PWWP2B: variants seen among roughly 807,000 people sequenced by gnomAD.
PWWP2B encodes PWWP domain containing 2B, also known as PWWP domain-containing protein 2B.
In PWWP2B, 9 loss-of-function variants were observed where a neutral mutation model predicts 15.5. The observed-to-expected ratio is 0.58, with a 90% CI of 0.35 to 1.02. The LOEUF (loss-of-function observed/expected upper bound fraction) is 1.02, where lower values mean the gene tolerates loss of function less well. PWWP2B is among the 50% of genes least tolerant of loss of function. The pLI, the probability that PWWP2B is intolerant of heterozygous loss-of-function variation, is 0.02. For synonymous variants in PWWP2B, 474 were observed against 403.6 expected (o/e 1.17, Z -2.09); for missense variants, 864 against 865.3 (o/e 1.00, Z 0.02).
chr10:132,404,955 G>A lies in PWWP2B; in HGVS notation c.455G>A (p.Arg152Gln), dbSNP rs777648338. Reference protein sequence around the residue: ...QPPPRTIKRTRRRLSRNRDPG... With the variant: ...QPPPRTIKRTQRRLSRNRDPG... The stretch of plus-strand genomic sequence containing the variant: ...CCGCCCAGGACCATCAAGCGCACGC[G>A]GCGGCGTCTGTCCCGCAACCGCGAC... The change falls in exon 2 of 3, where the codon CGG (arginine) becomes CAG (glutamine). Residue 152 changes from arginine (R) to glutamine (Q), a missense_variant. By Grantham distance (43) the Arg-to-Gln change is conservative. Transcript: ENST00000305233. 7 of 1,591,544 alleles carry A rather than the reference G, an allele frequency of 4.4e-6. No individual in the cohort carries two copies. In the South Asian group the frequency reaches 4.4e-5, roughly 10 times the overall value.
At chr10:132,415,644 C>A (rs1263591707) in intron 2 of PWWP2B, among the ~76,000 whole-genome samples, 1 of 125,528 alleles carries the variant, frequency 8.0e-6, no homozygotes, top group Admixed American at 9.5e-5. Flanking sequence ...CACACACCCA[C>A]TCACACACAC....
intron 2 of PWWP2B, among the ~76,000 whole-genome samples, chr10:132,409,319 G>A (rs978946676): frequency 6.6e-6 from 1 of 152,228 alleles, no homozygotes; most frequent in African/African-American, 2.4e-5. Flanking sequence ...GCTGAGGTCC[G>A]GGGCGGGGGC....
rs889431466 is a variant in PWWP2B, at chr10:132,404,705, G to A, written c.205G>A (p.Ala69Thr). Residue 69 changes from alanine (A) to threonine (T), a missense_variant, in exon 2 of 3, where the codon GCT becomes ACT. Transcript: ENST00000305233. ...ESPVNDSHGR[A>T]PEEGDAEVMQ... is the part of the protein sequence containing the mutation. ...CCCTGTCAACGACAGCCATGGCCGG[G>A]CTCCCGAGGAGGGGGATGCAGAGGT... The A allele has an allele frequency of 6.2e-7, 1 of 1,612,066 alleles. No individual in the cohort carries two copies. Among genetic ancestry groups the A allele is most frequent in the African/African-American group, 1.3e-5 (1 of 74,866 alleles).
At chr10:132,400,210 T>A (rs574007231) in intron 1 of PWWP2B, among the ~76,000 whole-genome samples, 11 of 151,578 alleles carry the variant, frequency 7.3e-5, no homozygotes, top group African/African-American at 2.7e-4. Context: ...CCTTGGGGAG[T>A]GAGAGGGACA....
At chr10:132,412,043 C>T (rs1419049941) in intron 2 of PWWP2B, among the ~76,000 whole-genome samples, 1 of 152,256 alleles carries the variant, frequency 6.6e-6, no homozygotes, top group Non-Finnish European at 1.5e-5. Context: ...CGCCCTACCT[C>T]CTGGCTCCCA....
chr10:132,403,205 A>C (rs1385774459), intron 1 of PWWP2B, among the ~76,000 whole-genome samples: 1 of 151,114 alleles, frequency 6.6e-6, no homozygotes, highest in Non-Finnish European at 1.5e-5. Context: ...CACTCTGACC[A>C]CCCCCACCCA....
intron 1 of PWWP2B, among the ~76,000 whole-genome samples, chr10:132,399,948 C>T (rs902747374): frequency 3.9e-5 from 6 of 152,304 alleles, no homozygotes; most frequent in Admixed American, 1.3e-4. Context: ...GCCTATGGTT[C>T]CAGACACAGA....
chr10:132,397,454 C>A, intron 1 of PWWP2B, 103 bp downstream of exon 1: 1 of 1,088,458 alleles, frequency 9.2e-7, no homozygotes. Flanking sequence ...GGTGGCGTGG[C>A]CCCGGCGCCC....
rs10747057 is a variant in PWWP2B, at chr10:132,404,792, C to A, written c.292C>A (p.Arg98Ser). The A allele has an allele frequency of 1.1e-5, 17 of 1,503,078 alleles. No individual in the cohort carries two copies. The highest frequency in any genetic ancestry group is 1.1e-4 in the Admixed American group (6 of 56,424). The allele number at this position is 1,503,078 out of a possible 1,614,324, so 93.1% of individuals were successfully genotyped here. A position where few individuals can be genotyped will look rare whatever the true frequency, so the allele number is the denominator to read the frequency against. Residue 98 changes from arginine to serine, a missense_variant, in exon 2 of 3, where the codon CGC (arginine) becomes AGC (serine). Arg to Ser is a moderately radical substitution (Grantham distance 110). Around this residue, in one of 2 missense-constraint regions of PWWP2B, gnomAD observed 736 missense variants for 687.7 expected, o/e 1.07. Transcript: ENST00000305233. The part of the protein sequence containing the change: ...ARGVQPPETT[R>S]PEPPPPLVPP... ...CGGGGTTCAGCCCCCCGAGACCACC[C>A]GCCCCGAGCCACCCCCGCCCCTCGT...
intron 2 of PWWP2B, among the ~76,000 whole-genome samples, chr10:132,412,080 T>A (rs2069788878): frequency 6.6e-6 from 1 of 152,200 alleles, no homozygotes; most frequent in Non-Finnish European, 1.5e-5. Context: ...TCCTTGCCGC[T>A]TCCTCCCAGC....
intron 1 of PWWP2B, among the ~76,000 whole-genome samples, chr10:132,398,151 G>T (rs1368478326): frequency 6.6e-6 from 1 of 152,258 alleles, no homozygotes; most frequent in Non-Finnish European, 1.5e-5. Flanking sequence ...TTGAAACTGG[G>T]AGCAGGGAAA....
Position 132,405,816 on chromosome 10 carries a change from C to T in PWWP2B, c.1316C>T (p.Thr439Met), listed in dbSNP as rs148236107. The T allele has an allele frequency of 1.4e-5, 23 of 1,608,374 alleles. No homozygotes were observed. Among genetic ancestry groups the T allele is most frequent in the South Asian group, 8.8e-5 (8 of 91,062 alleles). Reference protein sequence around the residue: ...DEARSSGSEGTPADTGDLSPG... With the variant: ...DEARSSGSEGMPADTGDLSPG... ...GCCAGATCGTCCGGCTCGGAAGGGA[C>T]GCCGGCAGACACGGGTGACCTCTCG... is the stretch of plus-strand genomic sequence containing the variant. Residue 439 changes from threonine to methionine, a missense_variant, in exon 2 of 3, where the codon ACG becomes ATG. Thr to Met is a moderately conservative substitution (Grantham distance 81). This residue lies in a region of PWWP2B where 736 missense variants were observed against 687.7 expected (regional missense o/e 1.07). Coordinates refer to ENST00000305233, the MANE Select transcript of PWWP2B (RefSeq NM_138499.4).
rs147422582 is a variant in PWWP2B at position 132,406,252 on chromosome 10, C to G, written c.1752C>G (p.Leu584=). The change falls in exon 2 of 3, where the codon CTC becomes CTG. Residue 584 remains leucine, a synonymous_variant. Transcript: ENST00000305233. Reference sequence around the variant, plus strand: ...ACGTGGCCCCGGAAATCAGGGAGCTCTTAACCCAGTTTGAAACGTAACTGG... The same window carrying G: ...ACGTGGCCCCGGAAATCAGGGAGCTGTTAACCCAGTTTGAAACGTAACTGG... ...ARHVAPEIRE[L]LTQFET The G allele has an allele frequency of 1.2e-4, 196 of 1,609,712 alleles. 1 individual carries two copies. In the African/African-American group the frequency reaches 1.7e-3, roughly 14 times the overall value.
intron 2 of PWWP2B, among the ~76,000 whole-genome samples, chr10:132,407,194 GC>G (rs1442134216): frequency 6.6e-6 from 1 of 152,152 alleles, no homozygotes; most frequent in East Asian, 1.9e-4. Flanking sequence ...AGCTCCAGAG[GC>G]CTTCTCAGCA....
rs1346832144 is a variant in PWWP2B, at chr10:132,406,121, A to G, written c.1621A>G (p.Ile541Val). ...FGSPTTSFLS[I>V]SKLSPFSEFF... ...TTCTCCGACTACGTCGTTCTTGTCT[A>G]TTTCAAAACTCTCCCCTTTCTCTGA... Residue 541 changes from isoleucine (I) to valine (V), a missense_variant, in exon 2 of 3, where the codon ATT becomes GTT. Physicochemically the swap from Ile to Val is conservative, Grantham distance 29. Around this residue, in one of 2 missense-constraint regions of PWWP2B, gnomAD observed 128 missense variants for 177.6 expected, o/e 0.72. Coordinates refer to ENST00000305233, the MANE Select transcript of PWWP2B (RefSeq NM_138499.4). 33 of 1,613,766 alleles carry G rather than the reference A, an allele frequency of 2.0e-5. No individual in the cohort carries two copies. The highest frequency in any genetic ancestry group is 2.5e-5 in the Non-Finnish European group (30 of 1,180,008).
chr10:132,410,002 C>G (rs2069756675), intron 2 of PWWP2B, among the ~76,000 whole-genome samples: 1 of 152,092 alleles, frequency 6.6e-6, no homozygotes, highest in Non-Finnish European at 1.5e-5. Flanking sequence ...GGCACAGACT[C>G]TGGGTGCTGT....
chr10:132,409,721 G>A (rs2069753532), intron 2 of PWWP2B, among the ~76,000 whole-genome samples: 1 of 151,110 alleles, frequency 6.6e-6, no homozygotes. Context: ...GGGGAGGGCT[G>A]TGAATCACCA....
chr10:132,406,390 C>T (rs1269455332), intron 2 of PWWP2B, 101 bp downstream of exon 2: 13 of 1,033,660 alleles, frequency 1.3e-5, no homozygotes, highest in South Asian at 3.4e-5. Context: ...AGGGAGCCGC[C>T]GCCTGTGCCC....
intron 1 of PWWP2B, among the ~76,000 whole-genome samples, chr10:132,397,558 T>TCGGGGCGGGCGCCGGGCCGGGG (rs1257766649): frequency 1.1e-3 from 155 of 138,848 alleles, no homozygotes; most frequent in Middle Eastern, 9.5e-3. Flanking sequence ...TCGCGACTTT[T>TCGGGGCGGGCGCCGGGCCGGGG]CGGGGCGGGC....
Sources: gnomAD v4.1 joint callset for allele counts (sites outside exome capture counted in the v4.1 genomes callset) on GRCh38, gnomAD v4.1.1 for gene constraint, gnomAD v4.1.1 regional missense constraint, MANE v1.5 for transcripts, NCBI Gene and HGNC (gene_info 2026-07-23, HGNC 2026-07-21) for gene names.